Variants in ARHGAP31 observed in about 807,000 individuals in gnomAD.
ARHGAP31 encodes the protein rho GTPase-activating protein 31.
Under a neutral mutation model 113.9 loss-of-function variants are expected in ARHGAP31, and 34 were observed. The observed-to-expected ratio is 0.30, with a 90% CI of 0.23 to 0.40. The LOEUF is 0.40. Ranked by LOEUF, ARHGAP31 falls within the 10% of genes least tolerant of loss-of-function variation. The probability of loss-of-function intolerance (pLI) is 1.00; values close to 1 mark genes in which losing one functional copy is unlikely to be tolerated. For synonymous variants in ARHGAP31, 650 were observed against 684.8 expected (o/e 0.95, Z 0.79); for missense variants, 1,548 against 1,767.1 (o/e 0.88, Z 2.22).
chr3:119,369,090 A>G (rs1396916839), intron 3 of ARHGAP31, among the ~76,000 whole-genome samples: 1 of 152,230 alleles, frequency 6.6e-6, no homozygotes, highest in Non-Finnish European at 1.5e-5. Context: ...GGGCATTAGC[A>G]AAACACCTAA....
chr3:119,416,477 A>T lies in ARHGAP31; in HGVS notation c.*213A>T, dbSNP rs758596532. ...CGAGAGATGAAATTTAGTTAAGTCTATGTGAGCAAGTGAGAGAAGGTTAGG... is the reference window on the plus strand; with the variant it reads ...CGAGAGATGAAATTTAGTTAAGTCTTTGTGAGCAAGTGAGAGAAGGTTAGG... On this transcript the variant is annotated 3_prime_UTR_variant, in exon 12 of 12. Coordinates refer to ENST00000264245, the MANE Select transcript of ARHGAP31 (RefSeq NM_020754.4). 8 of 661,680 alleles carry T rather than the reference A, an allele frequency of 1.2e-5. No homozygotes were observed. The highest frequency in any genetic ancestry group is 2.0e-5 in the Non-Finnish European group (8 of 392,332). The allele number at this position is 661,680 out of a possible 1,614,324, so 41.0% of individuals were successfully genotyped here. A position where few individuals can be genotyped will look rare whatever the true frequency, so the allele number is the denominator to read the frequency against.
chr3:119,320,565 C>G (rs1167585539), intron 1 of ARHGAP31, among the ~76,000 whole-genome samples: 1 of 152,212 alleles, frequency 6.6e-6, no homozygotes, highest in Non-Finnish European at 1.5e-5. Context: ...ATGCAGTAAC[C>G]TTACCCATTA....
intron 8 of ARHGAP31, among the ~76,000 whole-genome samples, chr3:119,395,682 A>G (rs963116533): frequency 2.6e-5 from 4 of 152,158 alleles, no homozygotes; most frequent in African/African-American, 4.8e-5. Context: ...CCTGTTGTCA[A>G]TGGTGTGCCT....
chr3:119,307,043 G>GT (rs11451539), intron 1 of ARHGAP31, among the ~76,000 whole-genome samples: 64,572 of 148,840 alleles, frequency 0.43, 14,167 homozygotes, highest in African/African-American at 0.5. Flanking sequence ...AAGTCTGTTA[G>GT]TTTTTTTTTT....
chr3:119,364,155 A>G (rs2080233615), intron 1 of ARHGAP31, among the ~76,000 whole-genome samples: 1 of 136,646 alleles, frequency 7.3e-6, no homozygotes, highest in African/African-American at 2.7e-5. Flanking sequence ...AGAGGCAGGA[A>G]CTCAGGAGGC....
chr3:119,321,277 T>C (rs1330642046), intron 1 of ARHGAP31, among the ~76,000 whole-genome samples: 3 of 120,854 alleles, frequency 2.5e-5, no homozygotes, highest in Admixed American at 1.6e-4. Context: ...TATATATATA[T>C]ACTATATATA....
At chr3:119,316,287 G>T (rs910856898) in intron 1 of ARHGAP31, among the ~76,000 whole-genome samples, 1 of 152,202 alleles carries the variant, frequency 6.6e-6, no homozygotes, top group Non-Finnish European at 1.5e-5. Flanking sequence ...ATAGTGGGTT[G>T]TTAAAGGAAT....
intron 2 of ARHGAP31, 91 bp from the exon 3 acceptor site, chr3:119,368,281 T>G (rs1445720924): frequency 6.6e-7 from 1 of 1,511,346 alleles, no homozygotes; most frequent in Non-Finnish European, 9.2e-7. Context: ...ATCAGCAGTT[T>G]AGGGTCTTTT....
intron 1 of ARHGAP31, among the ~76,000 whole-genome samples, chr3:119,307,958 A>AAAAAAAAAAAAAAAAAAAAAAAAAC (rs2079645450): frequency 6.7e-6 from 1 of 150,264 alleles, no homozygotes; most frequent in Non-Finnish European, 1.5e-5. Context: ...AAAAAAAAAA[A>AAAAAAAAAAAAAAAAAAAAAAAAAC]AAGCTCAATC....
chr3:119,314,616 G>A (rs2079713660), intron 1 of ARHGAP31: 1 of 152,498 alleles, frequency 6.6e-6, no homozygotes. Flanking sequence ...GCACATATGT[G>A]TGCATCTGTC....
intron 1 of ARHGAP31, among the ~76,000 whole-genome samples, chr3:119,345,277 C>T (rs973148451): frequency 7.9e-5 from 12 of 152,006 alleles, no homozygotes; most frequent in South Asian, 2.1e-4. Context: ...TGTGCCACCA[C>T]GCCCGGCCCG....
rs2080783522 is a variant in ARHGAP31 at position 119,416,816 on chromosome 3, C to T, written c.*552C>T. 1 of 176,912 alleles carries T rather than the reference C, an allele frequency of 5.7e-6. No individual in the cohort carries two copies. Among genetic ancestry groups the T allele is most frequent in the African/African-American group, 2.4e-5 (1 of 41,654 alleles). 11.0% of individuals were successfully genotyped at this position (176,912 alleles called of 1,614,324 possible). A position where few individuals can be genotyped will look rare whatever the true frequency, so the allele number is the denominator to read the frequency against. ...GGATTTGGAAATGCAAACTAACGTG[C>T]ACTTAGATATCCAAGTGGGTGAGCT... is the stretch of plus-strand genomic sequence containing the variant. On this transcript the variant is annotated 3_prime_UTR_variant, in exon 12 of 12. Coordinates refer to ENST00000264245, the MANE Select transcript of ARHGAP31 (RefSeq NM_020754.4).
At position 119,388,308 on chromosome 3, in the gene ARHGAP31, T is replaced by TTA. The variant is rs58420826; in HGVS notation, c.683-2461_683-2460dup. On this transcript the variant is annotated intron_variant, in intron 6 of 11. Transcript: ENST00000264245. ...CATATAATATGTATATGTATAATTT[T>TTA]TATATATATATATATATGTACACAT... 8.8e-4 allele frequency among the ~76,000 whole-genome samples: 118 copies of TTA among 133,744 alleles called. 2 individuals are homozygous for TTA. The Middle Eastern group carries it at 0.02, about 23-fold the overall frequency. 87.7% of individuals were successfully genotyped at this position (133,744 alleles called of 152,430 possible).
intron 3 of ARHGAP31, among the ~76,000 whole-genome samples, chr3:119,378,987 C>A (rs968744843): frequency 6.6e-6 from 1 of 152,220 alleles, no homozygotes; most frequent in Admixed American, 6.5e-5. Context: ...CGTTTCTCCC[C>A]ACTTCTGCTT....
At chr3:119,368,632 C>T (rs1196174160) in intron 3 of ARHGAP31, 116 bp downstream of exon 3, 20 of 1,328,522 alleles carry the variant, frequency 1.5e-5, no homozygotes, top group Non-Finnish European at 2.0e-5. Flanking sequence ...ATTATCTTAG[C>T]GTGGTGAGGG....
intron 1 of ARHGAP31, among the ~76,000 whole-genome samples, chr3:119,312,106 T>G (rs2079688269): frequency 6.6e-6 from 1 of 152,234 alleles, no homozygotes; most frequent in Non-Finnish European, 1.5e-5. Context: ...TGAAGACAAA[T>G]GTGTCCATTT....
intron 1 of ARHGAP31, among the ~76,000 whole-genome samples, chr3:119,302,376 A>ATT (rs561213067): frequency 6.6e-6 from 1 of 151,918 alleles, no homozygotes; most frequent in Non-Finnish European, 1.5e-5. Context: ...TTGGTACTAG[A>ATT]TTTTTTTTTG....
chr3:119,382,042 T>C (rs562808520), intron 4 of ARHGAP31, among the ~76,000 whole-genome samples: 12 of 150,796 alleles, frequency 8.0e-5, no homozygotes, highest in African/African-American at 2.9e-4. Flanking sequence ...GATTCTCTAG[T>C]TCTGTCTCTG....
At position 119,414,236 on chromosome 3, in the gene ARHGAP31, G is replaced by C; in HGVS notation, c.2307G>C (p.Val769=). The C allele has an allele frequency of 1.2e-6, 2 of 1,614,180 alleles. No individual in the cohort carries two copies. Among genetic ancestry groups the C allele is most frequent in the Non-Finnish European group, 1.7e-6 (2 of 1,180,022 alleles). The change falls in exon 12 of 12, where the codon GTG becomes GTC. Residue 769 remains valine, a synonymous_variant. Transcript: ENST00000264245. The stretch of plus-strand genomic sequence containing the variant: ...AGAAGGCATCTCCACAAGCAACAGT[G>C]GAAGTAGGAGGCCCAGGCAATCTGT... The part of the protein sequence containing the change: ...PFEKASPQAT[V]EVGGPGNLSP...
Sources: gnomAD v4.1 joint callset for allele counts (sites outside exome capture counted in the v4.1 genomes callset) on GRCh38, gnomAD v4.1.1 for gene constraint, MANE v1.5 for transcripts, NCBI Gene and HGNC (gene_info 2026-07-23, HGNC 2026-07-21) for gene names.